The following OOSP1 variants were observed in gnomAD, a reference collection of about 807,000 sequenced individuals.
The protein encoded by OOSP1 is oocyte secreted protein 1.
In OOSP1, 11 loss-of-function variants were observed where a neutral mutation model predicts 5.7. That is an observed-to-expected ratio of 1.94 (90% CI 1.22 to 3.20). The LOEUF is 3.20. Among genes scored for constraint, OOSP1 ranks in the 30% most tolerant of loss-of-function variants. OOSP1 has a pLI of 0.00. For missense variants in OOSP1, 83 were observed against 54.1 expected (o/e 1.53, Z -1.67); for synonymous variants, 44 against 20.0 (o/e 2.20, Z -3.20).
chr11:59,954,910 CT>C (rs1301747382), intron 4 of OOSP1, among the ~76,000 whole-genome samples: 1 of 150,948 alleles, frequency 6.6e-6, no homozygotes, highest in African/African-American at 2.4e-5. Flanking sequence ...TTTTCTTCTT[CT>C]TTTTTTTAAC....
At chr11:59,953,793 G>C (rs149278704) in intron 4 of OOSP1, among the ~76,000 whole-genome samples, 1 of 152,262 alleles carries the variant, frequency 6.6e-6, no homozygotes. Flanking sequence ...ATGTAATATA[G>C]ATAATAGTTC....
At chr11:59,944,819 C>T (rs371114896) in intron 2 of OOSP1, among the ~76,000 whole-genome samples, 1 of 152,174 alleles carries the variant, frequency 6.6e-6, no homozygotes. Context: ...AAATGTGATT[C>T]ATATGATCTC....
chr11:59,949,108 T>G (rs529004294), intron 4 of OOSP1: 1 of 207,658 alleles, frequency 4.8e-6, no homozygotes, highest in Non-Finnish European at 9.5e-6. Context: ...TTTTTAAGGG[T>G]ACAGTTACTA....
intron 4 of OOSP1, among the ~76,000 whole-genome samples, chr11:59,956,855 T>C (rs964406115): frequency 1.5e-4 from 23 of 152,184 alleles, no homozygotes; most frequent in African/African-American, 5.3e-4. Flanking sequence ...GTTTCCAATC[T>C]CATCCAAGTC....
At chr11:59,949,243 G>A (rs1853915794) in intron 4 of OOSP1, among the ~76,000 whole-genome samples, 1 of 152,088 alleles carries the variant, frequency 6.6e-6, no homozygotes, top group African/African-American at 2.4e-5. Flanking sequence ...TTAGTAGGAG[G>A]AGGCAGAGTA....
At chr11:59,955,838 G>T (rs1054492311) in intron 4 of OOSP1, among the ~76,000 whole-genome samples, 58 of 152,246 alleles carry the variant, frequency 3.8e-4, no homozygotes, top group African/African-American at 1.3e-3. Context: ...ATGCCATGTT[G>T]CCCAGGTTGG....
In OOSP1 at chr11:59,943,522, G is replaced by C. The variant is rs982433653; in HGVS notation, c.258+494G>C. ...ATGCTAAATGCTTTTCTCTTGTTAG[G>C]TGGTAATTGCAAACACTAATTATTC... On this transcript the variant is annotated intron_variant, in intron 2 of 4. Transcript: ENST00000646685. Among the ~76,000 whole-genome samples, 3 of 152,326 alleles carry C rather than the reference G, an allele frequency of 2.0e-5. No homozygotes were observed. The Middle Eastern group carries it at 0.01, about 518-fold the overall frequency.
Position 59,942,829 on chromosome 11 carries a change from C to A in OOSP1, c.77-18C>A, listed in dbSNP as rs1565231129. 1.4e-6 allele frequency: 1 copy of A among 695,550 alleles called. No homozygotes were observed. Among genetic ancestry groups the A allele is most frequent in the East Asian group, 2.7e-5 (1 of 37,170 alleles). 43.1% of individuals were successfully genotyped at this position (695,550 alleles called of 1,614,324 possible). A position where few individuals can be genotyped will look rare whatever the true frequency, so the allele number is the denominator to read the frequency against. On this transcript the variant is annotated intron_variant, in intron 1 of 4. Coordinates refer to ENST00000646685, the Ensembl canonical transcript of OOSP1. ...ATGTAATTGCATACTAACAAAATTT[C>A]TTTTTCCTGCTTTTCAGCTATTCAA... is the stretch of plus-strand genomic sequence containing the variant.
chr11:59,950,335 T>A lies in OOSP1; in HGVS notation c.486+2473T>A, dbSNP rs923075135. On this transcript the variant is annotated intron_variant, in intron 4 of 4. Coordinates refer to ENST00000646685, the Ensembl canonical transcript of OOSP1. ...AGGTCTAGAGTTCAGAGGGAGAAGG[T>A]CCAGACTGGATGTAGAACATTAGGA... Among the ~76,000 whole-genome samples the A allele has an allele frequency of 3.3e-5, 5 of 152,164 alleles. No individual in the cohort carries two copies. In the South Asian group the frequency reaches 1.0e-3, roughly 31 times the overall value.
intron 4 of OOSP1, among the ~76,000 whole-genome samples, chr11:59,956,201 T>TTCTTC (rs988657011): frequency 2.1e-5 from 3 of 142,812 alleles, no homozygotes; most frequent in African/African-American, 8.2e-5. Flanking sequence ...CTTCTTCTTC[T>TTCTTC]TTTTTTTTTT....
intron 4 of OOSP1, among the ~76,000 whole-genome samples, chr11:59,951,705 A>G (rs1853940990): frequency 6.8e-6 from 1 of 146,636 alleles, no homozygotes; most frequent in Non-Finnish European, 1.5e-5. Flanking sequence ...GAAGAAATGA[A>G]CTGCATTTTT....
intron 2 of OOSP1, 137 bp from the exon 3 acceptor site, chr11:59,945,032 G>A: frequency 1.6e-6 from 1 of 618,138 alleles, no homozygotes; most frequent in South Asian, 1.9e-5. Context: ...CCTGTGAACA[G>A]ATGCTATTTA....
chr11:59,950,495 C>T (rs1853929221), intron 4 of OOSP1, among the ~76,000 whole-genome samples: 1 of 152,148 alleles, frequency 6.6e-6, no homozygotes, highest in Admixed American at 6.5e-5. Context: ...TGAGAGAAGG[C>T]AGAGCCTTTG....
intron 1 of OOSP1, among the ~76,000 whole-genome samples, chr11:59,941,678 C>T (rs1169521995): frequency 6.6e-6 from 1 of 152,064 alleles, no homozygotes; most frequent in African/African-American, 2.4e-5. Flanking sequence ...TCGCCCAGCC[C>T]ATTTATGTAC....
At chr11:59,940,450 G>A (rs903056361) in intron 1 of OOSP1, among the ~76,000 whole-genome samples, 1 of 152,172 alleles carries the variant, frequency 6.6e-6, no homozygotes, top group African/African-American at 2.4e-5. Context: ...CGTCAAATTT[G>A]TGGATCTGTA....
chr11:59,939,934 C>A (rs539391724), intron 1 of OOSP1, among the ~76,000 whole-genome samples: 1 of 152,136 alleles, frequency 6.6e-6, no homozygotes, highest in Non-Finnish European at 1.5e-5. Flanking sequence ...TTTGTAGAGA[C>A]TTGCTATGTT....
chr11:59,955,039 T>C (rs191562423), intron 4 of OOSP1, among the ~76,000 whole-genome samples: 29 of 152,200 alleles, frequency 1.9e-4, no homozygotes, highest in Admixed American at 1.6e-3. Flanking sequence ...AGTGGTATCA[T>C]GAGAACTTTT....
chr11:59,957,448 A>C, exon 5 of OOSP1: 1 of 372,654 alleles, frequency 2.7e-6, no homozygotes, highest in Non-Finnish European at 4.7e-6. Flanking sequence ...TTGGATCTTC[A>C]ACCACCTATT....
chr11:59,956,606 C>T (rs1853995966), intron 4 of OOSP1, among the ~76,000 whole-genome samples: 1 of 152,126 alleles, frequency 6.6e-6, no homozygotes, highest in Non-Finnish European at 1.5e-5. Context: ...TGCTTGGTTA[C>T]ATGAGTAAGT....
Sources: gnomAD v4.1 joint callset for allele counts (sites outside exome capture counted in the v4.1 genomes callset) on GRCh38, gnomAD v4.1.1 for gene constraint, MANE v1.5 for transcripts, NCBI Gene and HGNC (gene_info 2026-07-23, HGNC 2026-07-21) for gene names.